Variants in SPATA9 observed in about 807,000 individuals in gnomAD.
The protein encoded by SPATA9 is spermatogenesis associated 9.
Under a neutral mutation model 25.5 loss-of-function variants are expected in SPATA9, and 27 were observed. That is an observed-to-expected ratio of 1.06 (90% CI 0.78 to 1.46). The LOEUF (loss-of-function observed/expected upper bound fraction) is 1.46. SPATA9 is among the 40% of genes most tolerant of loss of function. The pLI, the probability that SPATA9 is intolerant of heterozygous loss-of-function variation, is 0.00. For missense variants in SPATA9, 282 were observed against 297.5 expected (o/e 0.95, Z 0.38); for synonymous variants, 102 against 105.7 (o/e 0.97, Z 0.21).
At chr5:95,659,236 A>C (rs2112542746) in intron 4 of SPATA9, 1 of 210,916 alleles carries the variant, frequency 4.7e-6, no homozygotes, top group African/African-American at 2.3e-5. Context: ...GAGAGATGGA[A>C]TTTGTCCTCA....
intron 1 of SPATA9, among the ~76,000 whole-genome samples, chr5:95,689,769 A>T (rs1753836893): frequency 6.6e-6 from 1 of 152,132 alleles, no homozygotes; most frequent in South Asian, 2.1e-4. Context: ...CATCACTAAT[A>T]ACTAGAGAAA....
At chr5:95,654,964 TAACTG>T (rs539896067), downstream of SPATA9, among the ~76,000 whole-genome samples, 192 of 152,284 alleles carry the variant, frequency 1.3e-3, no homozygotes, top group African/African-American at 4.4e-3. Context: ...ACTGTAGTCT[TAACTG>T]AGGAGGAACG....
chr5:95,707,523 AGTC>A, the SPATA9 span, among the ~76,000 whole-genome samples: 6 of 152,160 alleles, frequency 3.9e-5, no homozygotes, highest in Non-Finnish European at 8.8e-5. Context: ...GAAGTAAAGT[AGTC>A]AAAAAGTTAA....
the SPATA9 span, among the ~76,000 whole-genome samples, chr5:95,707,402 C>T: frequency 3.3e-5 from 5 of 152,028 alleles, no homozygotes; most frequent in South Asian, 2.1e-4. Flanking sequence ...TATTAGCCGG[C>T]GACCGAGAGA....
the SPATA9 span, among the ~76,000 whole-genome samples, chr5:95,709,627 G>T: frequency 6.6e-6 from 1 of 152,182 alleles, no homozygotes; most frequent in Non-Finnish European, 1.5e-5. Context: ...CCCGTATCAA[G>T]GGATGATTTC....
downstream of SPATA9, chr5:95,656,077 C>G (rs141135045): frequency 1.7e-4 from 282 of 1,613,388 alleles, 1 homozygote; most frequent in Non-Finnish European, 2.2e-4. Context: ...ATAGTTTGCC[C>G]CTGGCATAAA....
the SPATA9 span, among the ~76,000 whole-genome samples, chr5:95,713,116 T>C: frequency 6.6e-6 from 1 of 152,366 alleles, no homozygotes; most frequent in African/African-American, 2.4e-5. Flanking sequence ...TAGTTGGTTT[T>C]CCTGTTGATT....
At chr5:95,689,345 T>A (rs185019892) in intron 1 of SPATA9, among the ~76,000 whole-genome samples, 1 of 152,334 alleles carries the variant, frequency 6.6e-6, no homozygotes, top group East Asian at 1.9e-4. Context: ...AGGGTAGTAT[T>A]GATAAATACA....
At chr5:95,670,965 G>T in intron 3 of SPATA9, 1 of 901,256 alleles carries the variant, frequency 1.1e-6, no homozygotes, top group Non-Finnish European at 1.3e-6. Context: ...CCTAGCTACT[G>T]TATACTCCCC....
At chr5:95,729,062 T>C in the SPATA9 span, among the ~76,000 whole-genome samples, 2 of 152,230 alleles carry the variant, frequency 1.3e-5, no homozygotes, top group African/African-American at 4.8e-5. Context: ...GAAAAACTCA[T>C]GAATAATCCA....
the SPATA9 span, among the ~76,000 whole-genome samples, chr5:95,730,114 T>C: frequency 6.6e-6 from 1 of 151,822 alleles, no homozygotes; most frequent in Non-Finnish European, 1.5e-5. Flanking sequence ...ACATAAAGAA[T>C]ATCTCCCATT....
chr5:95,713,981 A>T, the SPATA9 span, among the ~76,000 whole-genome samples: 1 of 152,194 alleles, frequency 6.6e-6, no homozygotes, highest in East Asian at 1.9e-4. Flanking sequence ...TTTTGACTTT[A>T]AAGTCTCTTG....
At chr5:95,702,520 A>T (rs1473007712), upstream of SPATA9, among the ~76,000 whole-genome samples, 2 of 152,162 alleles carry the variant, frequency 1.3e-5, no homozygotes, top group Non-Finnish European at 1.5e-5. Context: ...TCTAACTCAA[A>T]AATTTGCTGC....
At chr5:95,664,427 A>G (rs1416577322) in intron 3 of SPATA9, among the ~76,000 whole-genome samples, 1 of 152,224 alleles carries the variant, frequency 6.6e-6, no homozygotes, top group African/African-American at 2.4e-5. Flanking sequence ...GTAAACAGCA[A>G]TCAAAATAAT....
chr5:95,725,046 C>A, the SPATA9 span, among the ~76,000 whole-genome samples: 2 of 152,022 alleles, frequency 1.3e-5, no homozygotes, highest in South Asian at 4.2e-4. Flanking sequence ...CCTGGACATA[C>A]ACATGCCATG....
At chr5:95,698,740 A>G (rs530011825), upstream of SPATA9, 1 of 152,330 alleles carries the variant, frequency 6.6e-6, no homozygotes, top group South Asian at 2.1e-4. Context: ...GGGAATGGGA[A>G]GAAGTTTTAA....
At chr5:95,678,268 T>C (rs1484025113) in intron 2 of SPATA9, among the ~76,000 whole-genome samples, 2 of 152,102 alleles carry the variant, frequency 1.3e-5, no homozygotes, top group Non-Finnish European at 2.9e-5. Flanking sequence ...TCCCAGCTAT[T>C]TGGGAGGCTC....
chr5:95,687,449 T>C (rs187073999), upstream of SPATA9, among the ~76,000 whole-genome samples: 1 of 152,228 alleles, frequency 6.6e-6, no homozygotes, highest in African/African-American at 2.4e-5. Flanking sequence ...TAGGGGAGTG[T>C]ATTCTTTAAA....
the SPATA9 span, among the ~76,000 whole-genome samples, chr5:95,728,584 G>A: frequency 6.4e-4 from 98 of 152,222 alleles, 1 homozygote; most frequent in African/African-American, 2.3e-3. Context: ...TTTACTGACT[G>A]CCTAGGCCTA....
Sources: gnomAD v4.1 joint callset for allele counts (sites outside exome capture counted in the v4.1 genomes callset) on GRCh38, gnomAD v4.1.1 for gene constraint, MANE v1.5 for transcripts, NCBI Gene and HGNC (gene_info 2026-07-23, HGNC 2026-07-21) for gene names.